The following C7 variants were observed in gnomAD, a reference collection of about 807,000 sequenced individuals.
The protein encoded by C7 is complement component C7.
C7 carries 83 observed loss-of-function variants against 104.8 expected under a neutral mutation model. That is an observed-to-expected ratio of 0.79 (90% confidence interval 0.66 to 0.95). The LOEUF (loss-of-function observed/expected upper bound fraction) is 0.95, where lower values mean the gene tolerates loss of function less well. C7 is among the 40% of genes least tolerant of loss of function. The pLI, the probability that C7 is intolerant of heterozygous loss-of-function variation, is 0.00. For missense variants in C7, 1,070 were observed against 1,011.2 expected (o/e 1.06, Z -0.79); for synonymous variants, 415 against 360.6 (o/e 1.15, Z -1.71).
chr5:40,912,798 TTTAG>T (rs1189938543), intron 1 of C7, among the ~76,000 whole-genome samples: 1 of 152,168 alleles, frequency 6.6e-6, no homozygotes, highest in African/African-American at 2.4e-5. Context: ...ATTTTATTCA[TTTAG>T]TTATTTTATT....
Position 40,981,654 on chromosome 5 carries a change from T to C in C7, c.*81T>C. 1 of 1,209,294 alleles carries C rather than the reference T, an allele frequency of 8.3e-7. No homozygotes were observed. 74.9% of individuals were successfully genotyped at this position (1,209,294 alleles called of 1,614,324 possible). A position where few individuals can be genotyped will look rare whatever the true frequency, so the allele number is the denominator to read the frequency against. On this transcript the variant is annotated 3_prime_UTR_variant, in exon 18 of 18. Coordinates refer to ENST00000313164, the MANE Select transcript of C7 (RefSeq NM_000587.4). ...TGAAAACATCTGCACAACTGGGCAC[T>C]GGACAGCTTTTCCTTCTTCTCCAGT...
intron 1 of C7, among the ~76,000 whole-genome samples, chr5:40,919,781 A>G (rs2111619959): frequency 6.6e-6 from 1 of 152,284 alleles, no homozygotes; most frequent in Middle Eastern, 3.4e-3. Flanking sequence ...AAATCTTGTT[A>G]TCTTAAGATA....
intron 14 of C7, among the ~76,000 whole-genome samples, chr5:40,971,535 T>C (rs1453547788): frequency 6.6e-6 from 1 of 152,234 alleles, no homozygotes. Flanking sequence ...ATTCTGTAGG[T>C]TGCCTGTTTA....
At chr5:40,976,864 C>G (rs1448565909) in intron 16 of C7, 24 bp downstream of exon 16, 1 of 1,526,906 alleles carries the variant, frequency 6.5e-7, no homozygotes, top group Non-Finnish European at 8.9e-7. Context: ...TTGCTCATTT[C>G]TCTGTTTTAT....
At chr5:40,925,908 A>G in intron 1 of C7, among the ~76,000 whole-genome samples, 1 of 152,236 alleles carries the variant, frequency 6.6e-6, no homozygotes, top group Admixed American at 6.5e-5. Flanking sequence ...AATTCTTTTT[A>G]CAAGGCCAGT....
chr5:40,972,744 C>A, intron 15 of C7, 150 bp downstream of exon 15: 1 of 558,688 alleles, frequency 1.8e-6, no homozygotes. Flanking sequence ...GACTGAGTAA[C>A]AGATTTTCTT....
chr5:40,954,583 A>C (rs1260631026), intron 9 of C7, among the ~76,000 whole-genome samples: 3 of 152,062 alleles, frequency 2.0e-5, no homozygotes, highest in Non-Finnish European at 4.4e-5. Flanking sequence ...TTCTTTTTTA[A>C]AAAATATACC....
At chr5:40,918,983 C>CAT (rs1554040838) in intron 1 of C7, among the ~76,000 whole-genome samples, 1 of 141,402 alleles carries the variant, frequency 7.1e-6, no homozygotes, top group Non-Finnish European at 1.6e-5. Flanking sequence ...CACACACACA[C>CAT]ACACACACAG....
chr5:40,950,088 G>T, intron 9 of C7, 74 bp downstream of exon 9: 1 of 810,396 alleles, frequency 1.2e-6, no homozygotes, highest in Non-Finnish European at 2.0e-6. Context: ...AAGGGTACGC[G>T]TGAAGTTATG....
chr5:40,944,490 C>T (rs1308616846), intron 6 of C7, among the ~76,000 whole-genome samples: 2 of 152,196 alleles, frequency 1.3e-5, no homozygotes, highest in Non-Finnish European at 2.9e-5. Flanking sequence ...ATGCTGTCCA[C>T]TGGAGGTTTC....
Position 40,922,696 on chromosome 5 carries a change from C to CAAAAAAAAA in C7, c.7-5879_7-5871dup, listed in dbSNP as rs780972661. Among the ~76,000 whole-genome samples, 365 of 114,036 alleles carry CAAAAAAAAA rather than the reference C, an allele frequency of 3.2e-3. 4 individuals are homozygous for CAAAAAAAAA. The highest frequency in any genetic ancestry group is 3.9e-3 in the African/African-American group (117 of 29,816). The allele number at this position is 114,036 out of a possible 152,430, so 74.8% of individuals were successfully genotyped here. ...AGCCTGGGTGACAGAGTGAGACTGTCAAAAAAAAAAAAAGAAGAACATACA... is the reference window on the plus strand; with the variant it reads ...AGCCTGGGTGACAGAGTGAGACTGTCAAAAAAAAAAAAAAAAAAAAAAGAAGAACATACA... On this transcript the variant is annotated intron_variant, in intron 1 of 17. Transcript: ENST00000313164.
chr5:40,954,388 G>A (rs546525118), intron 9 of C7, among the ~76,000 whole-genome samples: 1 of 151,950 alleles, frequency 6.6e-6, no homozygotes, highest in South Asian at 2.1e-4. Context: ...TGTATTTAAA[G>A]TGTTTATAAT....
At chr5:40,947,870 C>T (rs1392214974) in intron 8 of C7, 25 bp downstream of exon 8, 1 of 1,603,530 alleles carries the variant, frequency 6.2e-7, no homozygotes, top group East Asian at 2.2e-5. Context: ...AATTCGTTGT[C>T]TAAAGGCATT....
At chr5:40,946,439 AG>A (rs1355741113) in intron 7 of C7, among the ~76,000 whole-genome samples, 4 of 152,228 alleles carry the variant, frequency 2.6e-5, no homozygotes, top group African/African-American at 7.2e-5. Flanking sequence ...TTTATGACTG[AG>A]AAACTGACTA....
chr5:40,934,852 T>C (rs1393430689), intron 4 of C7, among the ~76,000 whole-genome samples: 1 of 152,204 alleles, frequency 6.6e-6, no homozygotes, highest in Non-Finnish European at 1.5e-5. Flanking sequence ...CCTAATGAAC[T>C]GATTAAGGAG....
intron 7 of C7, among the ~76,000 whole-genome samples, chr5:40,945,942 A>T (rs568685735): frequency 6.7e-6 from 1 of 148,410 alleles, no homozygotes; most frequent in African/African-American, 2.4e-5. Context: ...ACTTCTCATT[A>T]AAAATATTTG....
chr5:40,975,586 A>G (rs1042274420), intron 15 of C7, among the ~76,000 whole-genome samples: 2 of 151,938 alleles, frequency 1.3e-5, no homozygotes, highest in African/African-American at 2.4e-5. Context: ...CTGGTCGTGA[A>G]CTCCTGACCT....
At chr5:40,917,555 C>T (rs528411114) in intron 1 of C7, among the ~76,000 whole-genome samples, 1 of 152,172 alleles carries the variant, frequency 6.6e-6, no homozygotes, top group East Asian at 1.9e-4. Flanking sequence ...GGTTCTGTAT[C>T]TTGGCTATTG....
intron 7 of C7, among the ~76,000 whole-genome samples, chr5:40,946,298 A>G (rs1040974415): frequency 5.9e-5 from 9 of 152,230 alleles, no homozygotes; most frequent in African/African-American, 2.2e-4. Context: ...ACTAATTGAT[A>G]TACAGTTATG....
Sources: allele counts gnomAD v4.1 joint callset (sites outside exome capture counted in the v4.1 genomes callset), GRCh38; gene constraint gnomAD v4.1.1; transcripts MANE v1.5; gene names NCBI Gene and HGNC (gene_info 2026-07-23, HGNC 2026-07-21).